The following RGS9 variants were observed in gnomAD, a reference collection of about 807,000 sequenced individuals.
RGS9 encodes regulator of G protein signaling 9, also known as regulator of G-protein signalling 9.
RGS9 carries 78 observed loss-of-function variants against 102.0 expected under a neutral mutation model. That is an observed-to-expected ratio of 0.76 (90% confidence interval 0.64 to 0.92). The LOEUF is 0.92. RGS9 is among the 40% of genes least tolerant of loss of function. The pLI is 0.00. For synonymous variants in RGS9, 353 were observed against 318.6 expected, an observed-to-expected ratio of 1.11 and a Z score of -1.15; for missense variants, 833 against 866.1, an observed-to-expected ratio of 0.96 and a Z score of 0.48.
At chr17:65,150,584 T>G (rs1468099612) in intron 1 of RGS9, among the ~76,000 whole-genome samples, 2 of 152,098 alleles carry the variant, frequency 1.3e-5, no homozygotes, top group East Asian at 3.9e-4. Flanking sequence ...ATCATGCCAC[T>G]GCACTCCAGC....
chr17:65,207,195 A>G (rs1425653254), intron 15 of RGS9, among the ~76,000 whole-genome samples: 2 of 152,176 alleles, frequency 1.3e-5, no homozygotes, highest in Admixed American at 6.5e-5. Context: ...AGGGATGTCA[A>G]TGGCTTAGAA....
chr17:65,148,635 C>T (rs1910459763), intron 1 of RGS9, among the ~76,000 whole-genome samples: 1 of 152,196 alleles, frequency 6.6e-6, no homozygotes, highest in Admixed American at 6.5e-5. Flanking sequence ...TGGTCCTCAC[C>T]ATCTAGGGAG....
chr17:65,222,614 G>A (rs8066191), intron 17 of RGS9, among the ~76,000 whole-genome samples: 4,295 of 152,184 alleles, frequency 0.028, 203 homozygotes, highest in African/African-American at 0.097. Context: ...ATACATCTAC[G>A]AGCCACCCTT....
At position 65,210,544 on chromosome 17, in the gene RGS9, T is replaced by A; in HGVS notation, c.1346T>A (p.Leu449Gln). 6.2e-7 allele frequency: 1 copy of A among 1,614,086 alleles called. No individual in the cohort carries two copies. The highest frequency in any genetic ancestry group is 1.1e-5 in the South Asian group (1 of 91,076). Residue 449 changes from leucine to glutamine, a missense_variant, in exon 17 of 19, where the codon CTG becomes CAG. Physicochemically the swap from Leu to Gln is moderately radical, Grantham distance 113. Around this residue, in one of 3 missense-constraint regions of RGS9, gnomAD observed 185 missense variants for 248.7 expected, o/e 0.74. Transcript: ENST00000262406. ...HLRSSPSPVI[L>Q]RQLEEEAKAR... ...CGCTCCAGCCCAAGCCCTGTCATCC[T>A]GAGACAGCTGGAAGAGGAAGCCAAG...
chr17:65,179,029 C>T (rs1911752042), intron 9 of RGS9, among the ~76,000 whole-genome samples: 1 of 152,192 alleles, frequency 6.6e-6, no homozygotes, highest in Non-Finnish European at 1.5e-5. Flanking sequence ...ATCCTAGACC[C>T]ATTTAAACAG....
At chr17:65,215,412 C>A (rs1351808937) in intron 17 of RGS9, among the ~76,000 whole-genome samples, 1 of 152,134 alleles carries the variant, frequency 6.6e-6, no homozygotes, top group Admixed American at 6.5e-5. Context: ...GAGTCCCAGA[C>A]GAAAATGTGT....
At chr17:65,171,672 C>T (rs1911425683) in intron 8 of RGS9, among the ~76,000 whole-genome samples, 1 of 152,204 alleles carries the variant, frequency 6.6e-6, no homozygotes, top group South Asian at 2.1e-4. Context: ...AGGCCAAGAC[C>T]CCACGTGGGT....
chr17:65,153,314 C>T, intron 1 of RGS9, 108 bp from the exon 2 acceptor site: 1 of 934,956 alleles, frequency 1.1e-6, no homozygotes, highest in South Asian at 1.3e-5. Flanking sequence ...TGGGGAACCC[C>T]TGTGTCCACC....
At chr17:65,192,438 G>A (rs1286252543) in intron 11 of RGS9, among the ~76,000 whole-genome samples, 1 of 151,802 alleles carries the variant, frequency 6.6e-6, no homozygotes, top group Non-Finnish European at 1.5e-5. Flanking sequence ...AACATAGTGA[G>A]ACCACATCTC....
intron 15 of RGS9, among the ~76,000 whole-genome samples, 157 bp downstream of exon 15, chr17:65,204,458 C>A (rs59428744): frequency 0.025 from 3,741 of 152,282 alleles, 155 homozygotes; most frequent in African/African-American, 0.086. Flanking sequence ...TGTCTGTAAT[C>A]CCAGCTCTTT....
intron 9 of RGS9, among the ~76,000 whole-genome samples, chr17:65,179,170 A>G (rs1911757021): frequency 6.6e-6 from 1 of 152,048 alleles, no homozygotes; most frequent in African/African-American, 2.4e-5. Flanking sequence ...AGGGGTGTGC[A>G]GGGGAAGGAG....
At position 65,143,742 on chromosome 17, in the gene RGS9, C is replaced by T. The variant is rs562021961; in HGVS notation, c.57+6145C>T. ...CCAGGAGGCAGAGGTTGCAGTGAGC[C>T]GAGATTGTGCCACTGCACTCCAGCC... On this transcript the variant is annotated intron_variant, in intron 1 of 18. Transcript: ENST00000262406. 2.8e-3 allele frequency among the ~76,000 whole-genome samples: 420 copies of T among 148,012 alleles called. 1 individual carries two copies. Among genetic ancestry groups the T allele is most frequent in the Non-Finnish European group, 3.8e-3 (256 of 67,456 alleles).
rs1473406492 is a variant in RGS9, at chr17:65,137,560, G to A, written c.20G>A (p.Gly7Asp). 1 of 1,612,788 alleles carries A rather than the reference G, an allele frequency of 6.2e-7. No individual in the cohort carries two copies. The highest frequency in any genetic ancestry group is 8.5e-7 in the Non-Finnish European group (1 of 1,180,014). Residue 7 changes from glycine (G) to aspartate (D), a missense_variant, in exon 1 of 19, where the codon GGC becomes GAC. This residue lies in a region of RGS9 where 328 missense variants were observed against 340.6 expected (regional missense o/e 0.96). Transcript: ENST00000262406. MTIRHQ[G>D]QQYRPRMAFL... ...GCCAGGATGACAATCCGACACCAAGGCCAGCAGTACAGGCCGAGGATGGCA... is the reference window on the plus strand; with the variant it reads ...GCCAGGATGACAATCCGACACCAAGACCAGCAGTACAGGCCGAGGATGGCA...
At chr17:65,141,648 A>T (rs1044748040) in intron 1 of RGS9, among the ~76,000 whole-genome samples, 1 of 152,230 alleles carries the variant, frequency 6.6e-6, no homozygotes, top group Non-Finnish European at 1.5e-5. Context: ...AAACAAGGAG[A>T]CAAGAAGTGT....
chr17:65,222,157 G>T (rs896650524), intron 17 of RGS9, among the ~76,000 whole-genome samples: 1 of 152,240 alleles, frequency 6.6e-6, no homozygotes, highest in Admixed American at 6.5e-5. Flanking sequence ...GCTGGGAGCT[G>T]CTCTCAGCAG....
rs751378624 is a variant in RGS9 at position 65,160,333 on chromosome 17, A to T, written c.306A>T (p.Arg102Ser). ...LILKPDGSLY[R>S]FQTPYFWPTQ... ...TCAAGCCTGATGGCAGCCTCTACAG[A>T]TTTCAGGTGAGTCTTGGCCTTGACC... Residue 102 changes from arginine (R) to serine (S), a missense_variant, in exon 4 of 19, where the codon AGA (arginine) becomes AGT (serine). By Grantham distance (110) the Arg-to-Ser change is moderately radical (BLOSUM62 -1). Transcript: ENST00000262406. 2 of 1,613,004 alleles carry T rather than the reference A, an allele frequency of 1.2e-6. No homozygotes were observed. Among genetic ancestry groups the T allele is most frequent in the African/African-American group, 2.7e-5 (2 of 75,008 alleles).
intron 14 of RGS9, among the ~76,000 whole-genome samples, chr17:65,203,402 C>A (rs1912930386): frequency 6.6e-6 from 1 of 152,202 alleles, no homozygotes; most frequent in Non-Finnish European, 1.5e-5. Context: ...TTCCAAAAAT[C>A]TGCTACAGGA....
chr17:65,142,482 A>T (rs985221825), intron 1 of RGS9, among the ~76,000 whole-genome samples: 9 of 151,902 alleles, frequency 5.9e-5, no homozygotes, highest in African/African-American at 2.2e-4. Flanking sequence ...CATTAATATC[A>T]ACTCACTCTA....
At chr17:65,214,108 T>C (rs1245338924) in intron 17 of RGS9, among the ~76,000 whole-genome samples, 1 of 152,162 alleles carries the variant, frequency 6.6e-6, no homozygotes, top group Non-Finnish European at 1.5e-5. Flanking sequence ...ACTATAGGTG[T>C]GCGCCACCAG....
Sources: gnomAD v4.1 joint callset for allele counts (sites outside exome capture counted in the v4.1 genomes callset) on GRCh38, gnomAD v4.1.1 for gene constraint, gnomAD v4.1.1 regional missense constraint, MANE v1.5 for transcripts, NCBI Gene and HGNC (gene_info 2026-07-23, HGNC 2026-07-21) for gene names.